RPTOR: variants seen among roughly 807,000 people sequenced by gnomAD.
RPTOR encodes regulatory-associated protein of mTOR.
Under a neutral mutation model 169.9 loss-of-function variants are expected in RPTOR, and 21 were observed. The ratio of observed to expected loss-of-function variants is 0.12; its 90% CI spans 0.09 to 0.18. The LOEUF is 0.18. Among genes scored for constraint, RPTOR ranks in the 10% least tolerant of loss-of-function variants. The pLI, the probability that RPTOR is intolerant of heterozygous loss-of-function variation, is 1.00. For synonymous variants in RPTOR, 732 were observed against 753.2 expected (o/e 0.97, Z 0.46); for missense variants, 1,133 against 1,855.9 (o/e 0.61, Z 7.16).
At chr17:80,613,653 T>C (rs1029562156) in intron 1 of RPTOR, among the ~76,000 whole-genome samples, 16 of 149,730 alleles carry the variant, frequency 1.1e-4, no homozygotes, top group African/African-American at 3.3e-4. Flanking sequence ...GGTGTTGGAC[T>C]CGGGCTGGGC....
rs538002369 is a variant in RPTOR at position 80,944,849 on chromosome 17, G to A, written c.3026-818G>A. 5.9e-5 allele frequency among the ~76,000 whole-genome samples: 9 copies of A among 152,238 alleles called. No homozygotes were observed. The South Asian group carries it at 1.9e-3, about 32-fold the overall frequency. ...CTACTAAAAATACAAAAATTAGCTGGGCGTGGTGGCGGATGCCTGTAATCC... is the reference window on the plus strand; with the variant it reads ...CTACTAAAAATACAAAAATTAGCTGAGCGTGGTGGCGGATGCCTGTAATCC... On this transcript the variant is annotated intron_variant, in intron 25 of 33. Coordinates refer to ENST00000306801, the MANE Select transcript of RPTOR (RefSeq NM_020761.3).
Position 80,960,065 on chromosome 17 carries a change from T to C in RPTOR, c.3478-13T>C. The C allele has an allele frequency of 6.2e-7, 1 of 1,612,944 alleles. No homozygotes were observed. Among genetic ancestry groups the C allele is most frequent in the Non-Finnish European group, 8.5e-7 (1 of 1,179,598 alleles). On this transcript the variant is annotated splice_polypyrimidine_tract_variant and intron_variant, in intron 29 of 33. Coordinates refer to ENST00000306801, the MANE Select transcript of RPTOR (RefSeq NM_020761.3). This position sits in a 1 kb window ranked among gnomAD's most constrained non-coding sequence, Gnocchi z 4.8. ...GCCCCGGTCTTCACCGGGCTGCCTGTGTTTGGCTCTAGGACATCCCTACGG... is the reference window on the plus strand; with the variant it reads ...GCCCCGGTCTTCACCGGGCTGCCTGCGTTTGGCTCTAGGACATCCCTACGG...
intron 5 of RPTOR, among the ~76,000 whole-genome samples, chr17:80,732,064 A>G (rs1196003054): frequency 1.3e-5 from 2 of 152,320 alleles, no homozygotes; most frequent in Middle Eastern, 3.4e-3. Flanking sequence ...CAGGCATTTC[A>G]TCTTGGTTTA....
chr17:80,683,826 G>A (rs1417935044), intron 3 of RPTOR, among the ~76,000 whole-genome samples: 2 of 152,130 alleles, frequency 1.3e-5, no homozygotes, highest in Admixed American at 1.3e-4. Flanking sequence ...ACGACAAGGT[G>A]GAGCAGCCTC....
chr17:80,889,439 C>T (rs1407642179), intron 17 of RPTOR, among the ~76,000 whole-genome samples: 1 of 152,178 alleles, frequency 6.6e-6, no homozygotes, highest in Non-Finnish European at 1.5e-5. Context: ...GACAAGCGAC[C>T]GGTCAGAGGA....
intron 20 of RPTOR, among the ~76,000 whole-genome samples, chr17:80,907,713 G>C (rs1416082872): frequency 6.6e-6 from 1 of 152,218 alleles, no homozygotes; most frequent in Non-Finnish European, 1.5e-5. Flanking sequence ...CTTCCGTCAG[G>C]TATCCCCCAA....
chr17:80,846,701 C>A, intron 11 of RPTOR, 127 bp downstream of exon 11: 1 of 736,296 alleles, frequency 1.4e-6, no homozygotes, highest in Non-Finnish European at 2.3e-6. Flanking sequence ...AGCCCCTCTG[C>A]CCCGAAGATG....
intron 3 of RPTOR, among the ~76,000 whole-genome samples, chr17:80,647,676 T>C (rs1054561173): frequency 6.6e-6 from 1 of 152,182 alleles, no homozygotes; most frequent in Non-Finnish European, 1.5e-5. Context: ...TGGCGGTGCC[T>C]CCACTGACCA....
intron 7 of RPTOR, among the ~76,000 whole-genome samples, chr17:80,818,878 G>C (rs1389463951): frequency 1.3e-5 from 2 of 152,182 alleles, no homozygotes; most frequent in African/African-American, 4.8e-5. Context: ...TTGATGGCTT[G>C]GCCATCCAGT....
intron 1 of RPTOR, among the ~76,000 whole-genome samples, chr17:80,575,146 A>G (rs1275263823): frequency 6.6e-6 from 1 of 152,108 alleles, no homozygotes; most frequent in Non-Finnish European, 1.5e-5. Context: ...GCTTAATGGC[A>G]TTCAACAAGT....
At chr17:80,618,032 G>A (rs2065325468) in intron 1 of RPTOR, among the ~76,000 whole-genome samples, 1 of 151,054 alleles carries the variant, frequency 6.6e-6, no homozygotes, top group African/African-American at 2.5e-5. Context: ...CCAGGGTGGA[G>A]TGCAGTGGTG....
chr17:80,550,540 CT>C (rs1473624103), intron 1 of RPTOR, among the ~76,000 whole-genome samples: 1 of 152,212 alleles, frequency 6.6e-6, no homozygotes, highest in Non-Finnish European at 1.5e-5. Context: ...ATCTTTAGTT[CT>C]GATCTGGCCT....
chr17:80,855,974 G>A (rs1488297297), intron 12 of RPTOR, among the ~76,000 whole-genome samples: 2 of 152,112 alleles, frequency 1.3e-5, no homozygotes, highest in South Asian at 2.1e-4. Context: ...GGCACAATTC[G>A]GAAACGCTCT....
At chr17:80,608,057 A>G (rs2065241427) in intron 1 of RPTOR, among the ~76,000 whole-genome samples, 1 of 152,226 alleles carries the variant, frequency 6.6e-6, no homozygotes, top group Non-Finnish European at 1.5e-5. Flanking sequence ...GTTGGGTTTC[A>G]TGATACAGTG....
At chr17:80,779,268 A>G (rs2066917446) in intron 6 of RPTOR, among the ~76,000 whole-genome samples, 1 of 152,228 alleles carries the variant, frequency 6.6e-6, no homozygotes. Flanking sequence ...TCCATGAGGT[A>G]AATGAAAATA....
intron 24 of RPTOR, among the ~76,000 whole-genome samples, chr17:80,930,325 GCTCATCCTCAGCTCATC>G (rs2068870211): frequency 3.8e-5 from 2 of 52,196 alleles, no homozygotes; most frequent in African/African-American, 8.9e-5. Context: ...GCTCAGCTCA[GCTCATCCTCAGCTCATC>G]CTCAGCTCAT....
chr17:80,934,465 C>T (rs1355758097), intron 24 of RPTOR, among the ~76,000 whole-genome samples: 1 of 152,014 alleles, frequency 6.6e-6, no homozygotes, highest in African/African-American at 2.4e-5. Context: ...CTCGAGAGAC[C>T]CTCCCACCTC....
intron 3 of RPTOR, among the ~76,000 whole-genome samples, chr17:80,701,350 G>C (rs1032633994): frequency 4.6e-5 from 7 of 152,196 alleles, no homozygotes; most frequent in African/African-American, 1.7e-4. Flanking sequence ...CCGAAAGGTA[G>C]CATTTGCCAT....
At chr17:80,862,487 G>A (rs1431118960) in intron 13 of RPTOR, among the ~76,000 whole-genome samples, 1 of 150,648 alleles carries the variant, frequency 6.6e-6, no homozygotes, top group East Asian at 2.0e-4. Context: ...CCCCCATGAT[G>A]TGTGCACCCC....
Sources: allele counts gnomAD v4.1 joint callset (sites outside exome capture counted in the v4.1 genomes callset), GRCh38; gene constraint gnomAD v4.1.1; non-coding constraint Gnocchi (gnomAD v3.1); transcripts MANE v1.5; gene names NCBI Gene and HGNC (gene_info 2026-07-23, HGNC 2026-07-21).